GALNT13: variants seen among roughly 807,000 people sequenced by gnomAD.
GALNT13 encodes the protein UDP-GalNAc:polypeptide N-acetylgalactosaminyltransferase 13.
GALNT13 carries 28 observed loss-of-function variants against 64.2 expected under a neutral mutation model. The ratio of observed to expected loss-of-function variants is 0.44; its 90% CI spans 0.32 to 0.60. The LOEUF (loss-of-function observed/expected upper bound fraction) is 0.60, where lower values mean the gene tolerates loss of function less well. GALNT13 is among the 20% of genes least tolerant of loss of function. GALNT13 has a pLI of 0.05. For missense variants in GALNT13, 577 were observed against 669.8 expected (o/e 0.86, Z 1.53); for synonymous variants, 214 against 224.6 (o/e 0.95, Z 0.42).
intron 3 of GALNT13, among the ~76,000 whole-genome samples, chr2:153,982,208 G>C (rs16835544): frequency 0.048 from 7,357 of 152,148 alleles, 242 homozygotes; most frequent in South Asian, 0.11. Context: ...AGGAATCAAA[G>C]TGACAGGCTC....
intron 3 of GALNT13, among the ~76,000 whole-genome samples, chr2:154,026,464 A>G (rs1697972545): frequency 6.6e-6 from 1 of 152,198 alleles, no homozygotes; most frequent in Admixed American, 6.5e-5. Context: ...CTGCCATCAC[A>G]GAATATCACA....
intron 3 of GALNT13, among the ~76,000 whole-genome samples, chr2:154,003,806 A>G (rs1696070865): frequency 6.6e-6 from 1 of 152,050 alleles, no homozygotes; most frequent in Non-Finnish European, 1.5e-5. Context: ...AAAAGTGTGT[A>G]GCACCTTCCC....
chr2:153,369,041 T>A, the GALNT13 span, among the ~76,000 whole-genome samples: 1 of 152,036 alleles, frequency 6.6e-6, no homozygotes, highest in African/African-American at 2.4e-5. Flanking sequence ...CCATAAATAT[T>A]TGGAAATTAA....
the GALNT13 span, among the ~76,000 whole-genome samples, chr2:153,589,783 C>T: frequency 0.055 from 8,308 of 152,170 alleles, 329 homozygotes; most frequent in African/African-American, 0.11. Flanking sequence ...GAGAACAGCA[C>T]GGGAAAGATT....
At chr2:154,103,740 G>A (rs1702465302) in intron 3 of GALNT13, among the ~76,000 whole-genome samples, 1 of 152,158 alleles carries the variant, frequency 6.6e-6, no homozygotes, top group Non-Finnish European at 1.5e-5. Flanking sequence ...GAGAGCCAGT[G>A]TTCTGTTTGA....
the GALNT13 span, among the ~76,000 whole-genome samples, chr2:153,856,214 TGTAA>T: frequency 6.6e-6 from 1 of 151,432 alleles, no homozygotes; most frequent in East Asian, 2.0e-4. Context: ...ATGGGTGAGT[TGTAA>T]GTGTTATAAA....
At chr2:153,156,409 T>C in the GALNT13 span, among the ~76,000 whole-genome samples, 1 of 152,194 alleles carries the variant, frequency 6.6e-6, no homozygotes, top group African/African-American at 2.4e-5. Flanking sequence ...CCTCAGTACA[T>C]ATGTCTCTGA....
intron 2 of GALNT13, among the ~76,000 whole-genome samples, chr2:153,926,864 A>G (rs995329652): frequency 2.6e-5 from 4 of 152,150 alleles, no homozygotes; most frequent in Non-Finnish European, 4.4e-5. Context: ...TTATTCAGAT[A>G]ATAAATACTA....
At chr2:154,063,981 A>T (rs1358335988) in intron 3 of GALNT13, among the ~76,000 whole-genome samples, 1 of 152,172 alleles carries the variant, frequency 6.6e-6, no homozygotes, top group African/African-American at 2.4e-5. Flanking sequence ...GGCACAGAAG[A>T]GGGTAGGAAA....
chr2:153,581,311 C>G, the GALNT13 span, among the ~76,000 whole-genome samples: 1 of 152,080 alleles, frequency 6.6e-6, no homozygotes, highest in Non-Finnish European at 1.5e-5. Context: ...GAGCACACAG[C>G]TGCTTCTAGT....
intron 9 of GALNT13, among the ~76,000 whole-genome samples, chr2:154,356,904 T>TA (rs1696782418): frequency 6.6e-6 from 1 of 152,028 alleles, no homozygotes; most frequent in Non-Finnish European, 1.5e-5. Flanking sequence ...CTAGACTAGA[T>TA]ACCATAGGTA....
At chr2:153,743,426 C>T in the GALNT13 span, among the ~76,000 whole-genome samples, 1 of 152,010 alleles carries the variant, frequency 6.6e-6, no homozygotes, top group African/African-American at 2.4e-5. Flanking sequence ...AGTGGGATTC[C>T]TGAATCATAT....
the GALNT13 span, among the ~76,000 whole-genome samples, chr2:153,237,834 T>C: frequency 6.6e-6 from 1 of 152,096 alleles, no homozygotes; most frequent in East Asian, 1.9e-4. Context: ...TTCTTTTCTT[T>C]TGGGTATATA....
chr2:153,291,738 C>CA, the GALNT13 span, among the ~76,000 whole-genome samples: 1 of 28,926 alleles, frequency 3.5e-5, no homozygotes. Context: ...TACTTGTGTT[C>CA]AAAAGGAAAA....
chr2:153,223,818 A>G, the GALNT13 span, among the ~76,000 whole-genome samples: 1 of 151,854 alleles, frequency 6.6e-6, no homozygotes, highest in East Asian at 1.9e-4. Context: ...AAAACTACAA[A>G]AATTGTCCAG....
At chr2:153,898,419 A>G (rs1416018805) in intron 1 of GALNT13, among the ~76,000 whole-genome samples, 1 of 152,180 alleles carries the variant, frequency 6.6e-6, no homozygotes, top group Non-Finnish European at 1.5e-5. Context: ...ACCAAAATTT[A>G]TGGATTGTAT....
At chr2:154,256,640 A>G (rs1306497481) in intron 7 of GALNT13, among the ~76,000 whole-genome samples, 1 of 152,152 alleles carries the variant, frequency 6.6e-6, no homozygotes, top group East Asian at 1.9e-4. Flanking sequence ...AACATCAATA[A>G]CAACAACAAC....
intron 2 of GALNT13, among the ~76,000 whole-genome samples, chr2:153,924,080 A>AC (rs1299291023): frequency 6.6e-6 from 1 of 152,122 alleles, no homozygotes; most frequent in Non-Finnish European, 1.5e-5. Context: ...ATTCAGGGGT[A>AC]CATGTGCAGG....
At chr2:154,082,812 C>A (rs1701337732) in intron 3 of GALNT13, among the ~76,000 whole-genome samples, 1 of 151,846 alleles carries the variant, frequency 6.6e-6, no homozygotes, top group Admixed American at 6.6e-5. Context: ...TGGATACTAG[C>A]CCTTTGTTAG....
Sources: allele counts gnomAD v4.1 joint callset (sites outside exome capture counted in the v4.1 genomes callset), GRCh38; gene constraint gnomAD v4.1.1; transcripts MANE v1.5; gene names NCBI Gene and HGNC (gene_info 2026-07-23, HGNC 2026-07-21).